MNAT1: variants seen among roughly 807,000 people sequenced by gnomAD.
The protein encoded by MNAT1 is CDK-activating kinase assembly factor MAT1.
In MNAT1, 43 loss-of-function variants were observed where a neutral mutation model predicts 42.0. The observed-to-expected ratio is 1.02, with a 90% CI of 0.80 to 1.32. The LOEUF (loss-of-function observed/expected upper bound fraction) is 1.32. Among genes scored for constraint, MNAT1 ranks in the 40% most tolerant of loss-of-function variants. The pLI, the probability that MNAT1 is intolerant of heterozygous loss-of-function variation, is 0.00. For missense variants in MNAT1, 306 were observed against 350.4 expected (o/e 0.87, Z 1.01); for synonymous variants, 118 against 120.0 (o/e 0.98, Z 0.11).
intron 6 of MNAT1, among the ~76,000 whole-genome samples, chr14:60,852,004 A>G (rs545361120): frequency 8.5e-5 from 13 of 152,274 alleles, no homozygotes; most frequent in East Asian, 1.9e-4. Flanking sequence ...TAGTGCTGCA[A>G]TAAACATACG....
At chr14:60,770,140 T>G (rs2030996418) in intron 1 of MNAT1, among the ~76,000 whole-genome samples, 1 of 152,212 alleles carries the variant, frequency 6.6e-6, no homozygotes, top group Non-Finnish European at 1.5e-5. Flanking sequence ...ACTTTCTGTT[T>G]CTGTGATTTT....
At chr14:60,810,672 A>G (rs184895735) in intron 4 of MNAT1, among the ~76,000 whole-genome samples, 53 of 152,220 alleles carry the variant, frequency 3.5e-4, no homozygotes, top group Non-Finnish European at 6.2e-4. Flanking sequence ...TCCTTCTGCT[A>G]TTGATTCCTG....
rs185455838 is a variant in MNAT1 at position 60,938,588 on chromosome 14, T to G, written c.810-29641T>G. 2.6e-3 allele frequency among the ~76,000 whole-genome samples: 397 copies of G among 152,304 alleles called. 3 individuals are homozygous for G. The highest frequency in any genetic ancestry group is 1.9e-3 in the Non-Finnish European group (129 of 68,008). On this transcript the variant is annotated intron_variant, in intron 7 of 7. Coordinates refer to ENST00000261245, the MANE Select transcript of MNAT1 (RefSeq NM_002431.4). ...CCCAGGAATGAAGCCCACTTGATCA[T>G]GGTGGATAAGTGTTTTGATATGCTG...
At chr14:60,788,303 C>A (rs1306813643) in intron 1 of MNAT1, among the ~76,000 whole-genome samples, 1 of 152,090 alleles carries the variant, frequency 6.6e-6, no homozygotes, top group African/African-American at 2.4e-5. Flanking sequence ...ACAGTGGGTT[C>A]AAATATTAAG....
intron 7 of MNAT1, among the ~76,000 whole-genome samples, chr14:60,958,195 C>A (rs186764706): frequency 6.6e-6 from 1 of 152,278 alleles, no homozygotes; most frequent in African/African-American, 2.4e-5. Flanking sequence ...CTCCCTTTTG[C>A]ATTTCTTGTA....
intron 7 of MNAT1, among the ~76,000 whole-genome samples, chr14:60,899,993 G>A (rs1420844941): frequency 6.6e-6 from 1 of 150,708 alleles, no homozygotes; most frequent in African/African-American, 2.4e-5. Context: ...CGTATAAGAA[G>A]GTGAAGTTAA....
intron 1 of MNAT1, among the ~76,000 whole-genome samples, chr14:60,785,053 A>G (rs929201059): frequency 4.6e-5 from 7 of 151,842 alleles, no homozygotes; most frequent in South Asian, 2.1e-4. Flanking sequence ...GGATTTCACT[A>G]TGTTGGACAG....
chr14:60,735,370 C>T (rs1167677855), intron 1 of MNAT1, among the ~76,000 whole-genome samples: 1 of 152,128 alleles, frequency 6.6e-6, no homozygotes, highest in Non-Finnish European at 1.5e-5. Flanking sequence ...TATACTGCTG[C>T]TATTTATTGT....
At position 60,968,648 on chromosome 14, in the gene MNAT1, CT is replaced by C. The variant is rs568392354; in HGVS notation, c.*304del. 674 of 645,386 alleles carry C rather than the reference CT, an allele frequency of 1.0e-3. 3 individuals carry two copies. The African/African-American group carries it at 0.012, about 12-fold the overall frequency. 40.0% of individuals were successfully genotyped at this position (645,386 alleles called of 1,614,324 possible). Reference sequence around the variant, plus strand: ...TGAGGTTGTGACAGACTTATAAAATCTTTTTAAAAAATAAAGCTATAATTTA... The same window carrying C: ...TGAGGTTGTGACAGACTTATAAAATCTTTTAAAAAATAAAGCTATAATTTA... On this transcript the variant is annotated 3_prime_UTR_variant, in exon 8 of 8. Coordinates refer to ENST00000261245, the MANE Select transcript of MNAT1 (RefSeq NM_002431.4).
intron 1 of MNAT1, among the ~76,000 whole-genome samples, chr14:60,781,330 T>A (rs1469043225): frequency 2.6e-5 from 4 of 152,230 alleles, no homozygotes; most frequent in Non-Finnish European, 5.9e-5. Flanking sequence ...CCACTCATTT[T>A]TCTATAGCAT....
intron 3 of MNAT1, among the ~76,000 whole-genome samples, chr14:60,800,533 A>G (rs554885114): frequency 6.6e-6 from 1 of 152,298 alleles, no homozygotes; most frequent in African/African-American, 2.4e-5. Flanking sequence ...GAGCATGCCC[A>G]TGTCTCAAAA....
intron 4 of MNAT1, among the ~76,000 whole-genome samples, chr14:60,810,114 C>A (rs749605757): frequency 6.6e-6 from 1 of 151,986 alleles, no homozygotes; most frequent in Non-Finnish European, 1.5e-5. Context: ...TCTAGATTAA[C>A]TGAAGCGTAA....
chr14:60,801,310 GCCTTAGTAC>G, intron 3 of MNAT1, among the ~76,000 whole-genome samples: 1 of 152,026 alleles, frequency 6.6e-6, no homozygotes, highest in East Asian at 1.9e-4. Context: ...GATTAAGGAG[GCCTTAGTAC>G]CATAGACAAC....
At chr14:60,810,230 TTC>T (rs966495758) in intron 4 of MNAT1, among the ~76,000 whole-genome samples, 5 of 152,180 alleles carry the variant, frequency 3.3e-5, no homozygotes, top group African/African-American at 9.6e-5. Flanking sequence ...ATTTTGAGTC[TTC>T]TCTCTCTTTC....
chr14:60,856,296 G>A (rs1048631971), intron 6 of MNAT1, among the ~76,000 whole-genome samples: 1 of 152,228 alleles, frequency 6.6e-6, no homozygotes, highest in Non-Finnish European at 1.5e-5. Context: ...GAAAGTTTCA[G>A]TGGTCTGGGT....
chr14:60,957,887 G>C (rs1473531061), intron 7 of MNAT1, among the ~76,000 whole-genome samples: 1 of 151,942 alleles, frequency 6.6e-6, no homozygotes, highest in African/African-American at 2.4e-5. Flanking sequence ...GCCCAGGGTA[G>C]AGTGCAGTGG....
intron 5 of MNAT1, among the ~76,000 whole-genome samples, chr14:60,813,873 C>G (rs1258467512): frequency 6.6e-6 from 1 of 152,090 alleles, no homozygotes; most frequent in Non-Finnish European, 1.5e-5. Flanking sequence ...TGTTTGTGGA[C>G]ATGGCACTAC....
intron 1 of MNAT1, 96 bp from the exon 2 acceptor site, chr14:60,796,121 A>C: frequency 3.8e-6 from 4 of 1,045,562 alleles, no homozygotes; most frequent in Non-Finnish European, 5.2e-6. Context: ...CTAGTTTTCA[A>C]GTCTCACTCT....
intron 1 of MNAT1, among the ~76,000 whole-genome samples, chr14:60,795,361 C>G (rs2031981010): frequency 6.6e-6 from 1 of 152,016 alleles, no homozygotes; most frequent in Non-Finnish European, 1.5e-5. Context: ...GGTACCTAGA[C>G]CCATCTAAAA....
Sources: allele counts gnomAD v4.1 joint callset (sites outside exome capture counted in the v4.1 genomes callset), GRCh38; gene constraint gnomAD v4.1.1; transcripts MANE v1.5; gene names NCBI Gene and HGNC (gene_info 2026-07-23, HGNC 2026-07-21).